Variants in ANO7 observed in about 807,000 individuals in gnomAD.
ANO7 encodes the protein anoctamin-7.
A neutral mutation model predicts 115.8 loss-of-function variants in ANO7; 114 were observed. The ratio of observed to expected loss-of-function variants is 0.98; its 90% CI spans 0.85 to 1.15. ANO7 has a LOEUF of 1.15. Among genes scored for constraint, ANO7 ranks in the 50% most tolerant of loss-of-function variants. The pLI, the probability that ANO7 is intolerant of heterozygous loss-of-function variation, is 0.00. For missense variants in ANO7, 1,302 were observed against 1,201.2 expected (o/e 1.08, Z -1.24); for synonymous variants, 550 against 498.2 (o/e 1.10, Z -1.38).
intron 4 of ANO7, among the ~76,000 whole-genome samples, chr2:241,197,347 G>A (rs1217483156): frequency 3.3e-5 from 5 of 152,234 alleles, no homozygotes; most frequent in South Asian, 2.1e-4. Flanking sequence ...TGATCCACCC[G>A]CCTCGGCCTC....
intron 16 of ANO7, 119 bp downstream of exon 16, chr2:241,212,324 G>T: frequency 9.2e-7 from 1 of 1,090,418 alleles, no homozygotes; most frequent in South Asian, 1.3e-5. Context: ...GGACGGAACC[G>T]GAGACCCAGG....
intron 17 of ANO7, 141 bp from the exon 18 acceptor site, chr2:241,214,664 A>G: frequency 1.5e-6 from 1 of 680,078 alleles, no homozygotes. Flanking sequence ...TGGTGGGAGC[A>G]TCTCTGCAAC....
chr2:241,228,848 C>T (rs565744567), downstream of ANO7: 2 of 153,048 alleles, frequency 1.3e-5, no homozygotes, highest in African/African-American at 4.8e-5. Context: ...ATCTCAATCA[C>T]AGCAGACACT....
At position 241,217,711 on chromosome 2, in the gene ANO7, C is replaced by T. The variant is rs2068866860; in HGVS notation, c.1998C>T (p.Ile666=). The stretch of plus-strand genomic sequence containing the variant: ...TGCTGCAGTTCGGCTTCGTCACCAT[C>T]TTCGTGGCCGCCTGTCCGCTCGCGC... The part of the protein sequence containing the change: ...EMVLQFGFVT[I]FVAACPLAPL... Residue 666 remains isoleucine (I), a synonymous_variant, in exon 20 of 25, where the codon ATC becomes ATT. Transcript: ENST00000674324. 1.9e-6 allele frequency: 3 copies of T among 1,595,874 alleles called. No homozygotes were observed. The highest frequency in any genetic ancestry group is 2.3e-5 in the South Asian group (2 of 88,780).
rs140567572 is a variant in ANO7, at chr2:241,193,718, ATTG to A, written c.167-1982_167-1980del. ...TGTCTTAAAATCCATTTGGCCTGGT[ATTG>A]TTAAAGTTTTGTCAGTTTTGTGTGT... On this transcript the variant is annotated intron_variant, in intron 3 of 24. Transcript: ENST00000674324. Among the ~76,000 whole-genome samples, 281 of 152,310 alleles carry A rather than the reference ATTG, an allele frequency of 1.8e-3. 2 individuals carry two copies. The highest frequency in any genetic ancestry group is 6.4e-3 in the African/African-American group (264 of 41,570).
In ANO7 at chr2:241,225,666, G is replaced by T. The variant is rs7355654; in HGVS notation, c.*1513G>T. On this transcript the variant is annotated 3_prime_UTR_variant, in exon 25 of 25. Transcript: ENST00000674324. Reference sequence around the variant, plus strand: ...CCACCGTGATGCCTGGCCTGAGGGCGGCGTGCTTGCTTGTAGCATTTCTTG... The same window carrying T: ...CCACCGTGATGCCTGGCCTGAGGGCTGCGTGCTTGCTTGTAGCATTTCTTG... Among the ~76,000 whole-genome samples the T allele has an allele frequency of 1.7e-5, 2 of 116,780 alleles. No individual in the cohort carries two copies. Among genetic ancestry groups the T allele is most frequent in the Admixed American group, 1.5e-4 (2 of 13,144 alleles). 76.6% of individuals were successfully genotyped at this position (116,780 alleles called of 152,430 possible).
chr2:241,223,157 G>A, intron 21 of ANO7, 29 bp from the exon 22 acceptor site: 1 of 1,606,094 alleles, frequency 6.2e-7, no homozygotes, highest in South Asian at 1.1e-5. Context: ...AGCCCTGGCT[G>A]CGCGCACTGA....
At position 241,191,206 on chromosome 2, in the gene ANO7, C is replaced by T. The variant is rs1422697664; in HGVS notation, c.121C>T (p.Gln41Ter). The change falls in exon 3 of 25, where the codon CAA becomes TAA. Residue 41 changes from glutamine to a stop codon, truncating the protein, a stop_gained. Transcript: ENST00000674324. LOFTEE classifies it high-confidence loss of function. The part of the protein sequence containing the change: ...TAHASEPGGQ[Q>*]AAACRAGSPA... Reference sequence around the variant, plus strand: ...CCATGCCTTCCAGCCAGGTGGACAGCAAGCGGCCGCCTGCAGAGCTGGGAG... The same window carrying T: ...CCATGCCTTCCAGCCAGGTGGACAGTAAGCGGCCGCCTGCAGAGCTGGGAG... 6.2e-7 allele frequency: 1 copy of T among 1,613,920 alleles called. No homozygotes were observed. Among genetic ancestry groups the T allele is most frequent in the Admixed American group, 1.7e-5 (1 of 60,018 alleles).
intron 19 of ANO7, 68 bp from the exon 20 acceptor site, chr2:241,217,618 G>T (rs755571155): frequency 1.3e-6 from 2 of 1,508,454 alleles, no homozygotes; most frequent in South Asian, 1.2e-5. Context: ...GGTCCTCCGC[G>T]GGGGGCGCGT....
At chr2:241,221,780 C>T (rs1385397339) in intron 21 of ANO7, among the ~76,000 whole-genome samples, 2 of 151,724 alleles carry the variant, frequency 1.3e-5, no homozygotes, top group African/African-American at 4.8e-5. Flanking sequence ...CAGGTTCAAG[C>T]GATTCTCCTG....
At chr2:241,229,722 T>G (rs201002787), downstream of ANO7, 48 of 1,610,882 alleles carry the variant, frequency 3.0e-5, no homozygotes, top group Non-Finnish European at 3.9e-5. Flanking sequence ...CAGGAGGGGA[T>G]GCTCCCCAAC....
chr2:241,199,552 C>A (rs1033870331), intron 5 of ANO7, 129 bp downstream of exon 5: 9 of 872,446 alleles, frequency 1.0e-5, no homozygotes, highest in Non-Finnish European at 1.6e-5. Context: ...TCCTACCCAC[C>A]CCGACACCAG....
At chr2:241,235,202 C>T in the ANO7 span, 18 of 1,614,060 alleles carry the variant, frequency 1.1e-5, no homozygotes, top group East Asian at 4.5e-5. Context: ...CAGCGAGGCC[C>T]GTGATGGCGA....
intron 3 of ANO7, among the ~76,000 whole-genome samples, chr2:241,192,011 G>T (rs773916392): frequency 6.6e-6 from 1 of 152,222 alleles, no homozygotes; most frequent in Non-Finnish European, 1.5e-5. Flanking sequence ...GCTGGAAGGC[G>T]TGCATTCGTC....
chr2:241,238,588 C>G, the ANO7 span: 8 of 1,324,608 alleles, frequency 6.0e-6, no homozygotes, highest in South Asian at 1.4e-4. The surrounding 1 kb of genome is among the most constrained non-coding windows in gnomAD (Gnocchi z 4.9). Context: ...TGCGACAGCC[C>G]CGCCTCTCAC....
downstream of ANO7, chr2:241,229,691 T>C (rs1166682135): frequency 3.1e-6 from 5 of 1,613,974 alleles, no homozygotes; most frequent in East Asian, 2.2e-5. Flanking sequence ...CAGGAGCCTG[T>C]GCAGAGAGAG....
the ANO7 span, chr2:241,233,925 G>A: frequency 1.9e-6 from 3 of 1,614,142 alleles, no homozygotes; most frequent in South Asian, 3.3e-5. This position sits in a 1 kb window ranked among gnomAD's most constrained non-coding sequence, Gnocchi z 4.3. Context: ...GATGGTATTT[G>A]GGGTCTACAG....
chr2:241,238,857 C>T, the ANO7 span: 17 of 1,268,828 alleles, frequency 1.3e-5, no homozygotes, highest in East Asian at 4.0e-4. This position sits in a 1 kb window ranked among gnomAD's most constrained non-coding sequence, Gnocchi z 4.9. Context: ...TTTTACAGCA[C>T]TCTTCACACC....
At position 241,200,226 on chromosome 2, in the gene ANO7, G is replaced by GT; in HGVS notation, c.554+2dup. On this transcript the variant is annotated splice_donor_variant, in intron 6 of 24. Transcript: ENST00000674324. LOFTEE classifies it high-confidence loss of function. ...GGTTCAGAGTGAACAAGCTGCCACG[G>GT]TAAGGCAGGGGCCCTGCCAGTCGGA... 2 of 1,612,394 alleles carry GT rather than the reference G, an allele frequency of 1.2e-6. No homozygotes were observed. The highest frequency in any genetic ancestry group is 1.7e-6 in the Non-Finnish European group (2 of 1,179,598).
Sources: gnomAD v4.1 joint callset for allele counts (sites outside exome capture counted in the v4.1 genomes callset) on GRCh38, gnomAD v4.1.1 for gene constraint, Gnocchi (gnomAD v3.1) non-coding constraint, MANE v1.5 for transcripts, NCBI Gene and HGNC (gene_info 2026-07-23, HGNC 2026-07-21) for gene names.